The following TTC16 variants were observed in gnomAD, a reference collection of about 807,000 sequenced individuals.
The protein encoded by TTC16 is tetratricopeptide repeat protein 16.
A neutral mutation model predicts 80.4 loss-of-function variants in TTC16; 66 were observed. The ratio of observed to expected loss-of-function variants is 0.82; its 90% confidence interval spans 0.67 to 1.01. The LOEUF is 1.01. Ranked by LOEUF, TTC16 falls within the 50% of genes least tolerant of loss-of-function variation. The probability of loss-of-function intolerance (pLI) is 0.00; values close to 1 mark genes in which losing one functional copy is unlikely to be tolerated. For missense variants in TTC16, 1,070 were observed against 1,103.2 expected (o/e 0.97, Z 0.43); for synonymous variants, 438 against 451.3 (o/e 0.97, Z 0.37).
chr9:127,729,849 G>A, intron 13 of TTC16, 181 bp downstream of exon 13: 1 of 603,254 alleles, frequency 1.7e-6, no homozygotes, highest in South Asian at 1.9e-5. Context: ...AGGACGAGGT[G>A]AGGCTTGCTC....
At chr9:127,716,315 GA>G (rs1843005073) in intron 1 of TTC16, 152 bp downstream of exon 1, 1 of 1,177,946 alleles carries the variant, frequency 8.5e-7, no homozygotes, top group East Asian at 2.4e-5. Flanking sequence ...CCAGGCATGT[GA>G]AAGATCCTTG....
At chr9:127,726,174 G>A in intron 9 of TTC16, 65 bp from the exon 10 acceptor site, 2 of 1,449,232 alleles carry the variant, frequency 1.4e-6, no homozygotes, top group South Asian at 1.4e-5. Flanking sequence ...GTGGGGCCCA[G>A]TAGCCACCAT....
At position 127,724,291 on chromosome 9, in the gene TTC16, G is replaced by A; in HGVS notation, c.1044G>A (p.Gln348=). Residue 348 remains glutamine, a synonymous_variant, in exon 8 of 14, where the codon CAG becomes CAA. Coordinates refer to ENST00000373289, the MANE Select transcript of TTC16 (RefSeq NM_144965.3). ...ACTGCTACAGGCAGGGCGCCTACCAGGAGGGCGTGCTGCTGCTGAACAAGG... is the reference window on the plus strand; with the variant it reads ...ACTGCTACAGGCAGGGCGCCTACCAAGAGGGCGTGCTGCTGCTGAACAAGG... ...AVHCYRQGAY[Q]EGVLLLNKAL... 1.9e-6 allele frequency: 3 copies of A among 1,613,034 alleles called. No homozygotes were observed. The highest frequency in any genetic ancestry group is 2.5e-6 in the Non-Finnish European group (3 of 1,180,006).
At chr9:127,730,019 C>T in intron 13 of TTC16, 1 of 287,588 alleles carries the variant, frequency 3.5e-6, no homozygotes, top group Non-Finnish European at 6.7e-6. Context: ...GGCTGCTCCT[C>T]AGAGGCCCCA....
intron 1 of TTC16, chr9:127,716,477 A>G (rs1843020517): frequency 3.7e-6 from 2 of 547,148 alleles, no homozygotes; most frequent in Non-Finnish European, 6.6e-6. Context: ...TACCCAAGGG[A>G]CTGTAGGACC....
chr9:127,717,831 C>T (rs1843172926), intron 4 of TTC16, 59 bp downstream of exon 4: 1 of 1,554,774 alleles, frequency 6.4e-7, no homozygotes, highest in Non-Finnish European at 8.7e-7. Flanking sequence ...CAGGGGCTCT[C>T]CTGGCTCCTG....
intron 12 of TTC16, 167 bp from the exon 13 acceptor site, chr9:127,729,414 G>T (rs1844210866): frequency 3.4e-6 from 2 of 590,888 alleles, no homozygotes; most frequent in East Asian, 5.7e-5. Flanking sequence ...TCCCCTTCCT[G>T]CCAGGCTTAG....
At chr9:127,726,473 C>G in intron 10 of TTC16, 69 bp downstream of exon 10, 1 of 1,438,730 alleles carries the variant, frequency 7.0e-7, no homozygotes. Flanking sequence ...ACTCCTCGGC[C>G]CCCAAAGAAA....
At chr9:127,725,771 T>C (rs1843905971) in intron 9 of TTC16, among the ~76,000 whole-genome samples, 1 of 151,752 alleles carries the variant, frequency 6.6e-6, no homozygotes, top group Non-Finnish European at 1.5e-5. Context: ...AGCTAATTTT[T>C]GTATTTTTAG....
At chr9:127,717,821 C>T (rs1473338272) in intron 4 of TTC16, 49 bp downstream of exon 4, 2 of 1,576,888 alleles carry the variant, frequency 1.3e-6, no homozygotes, top group African/African-American at 2.7e-5. Context: ...TCACACTTCT[C>T]AGGGGCTCTC....
chr9:127,719,511 G>A (rs1333211583), intron 4 of TTC16, among the ~76,000 whole-genome samples: 1 of 152,168 alleles, frequency 6.6e-6, no homozygotes, highest in Non-Finnish European at 1.5e-5. Context: ...TTTTGTTTTT[G>A]AGATGGAGTC....
rs1476768551 is a variant in TTC16 at position 127,720,914 on chromosome 9, C to T, written c.657+519C>T. Among the ~76,000 whole-genome samples, 237 of 102,688 alleles carry T rather than the reference C, an allele frequency of 2.3e-3. 3 individuals carry two copies. Among genetic ancestry groups the T allele is most frequent in the African/African-American group, 9.5e-3 (227 of 23,996 alleles). 67.4% of individuals were successfully genotyped at this position (102,688 alleles called of 152,430 possible). ...CTCCCTCCTCCTTCCTCCCTCCTCC[C>T]TCCTCCCTTCCTCCCTTCCCCCTTC... On this transcript the variant is annotated intron_variant, in intron 6 of 13. Transcript: ENST00000373289.
intron 8 of TTC16, 119 bp from the exon 9 acceptor site, chr9:127,724,637 G>A: frequency 1.5e-6 from 2 of 1,371,220 alleles, no homozygotes; most frequent in Non-Finnish European, 1.9e-6. Flanking sequence ...GACGGAGACT[G>A]CGGCGGGGGG....
chr9:127,724,511 T>C, intron 8 of TTC16, 147 bp downstream of exon 8: 2 of 1,194,200 alleles, frequency 1.7e-6, no homozygotes, highest in Non-Finnish European at 1.2e-6. Context: ...ATAGTCTCAG[T>C]ATCCCAGGAA....
At chr9:127,716,431 C>T in intron 1 of TTC16, 1 of 588,962 alleles carries the variant, frequency 1.7e-6, no homozygotes, top group South Asian at 2.0e-5. Context: ...AGGTGAGGTG[C>T]TCAGTGTGGC....
intron 9 of TTC16, 54 bp downstream of exon 9, chr9:127,724,951 G>T: frequency 6.9e-7 from 1 of 1,441,012 alleles, no homozygotes; most frequent in Non-Finnish European, 9.1e-7. Flanking sequence ...GGCAGGGCGG[G>T]CAGGAGGCCA....
Position 127,722,015 on chromosome 9 carries a change from G to A in TTC16, c.658-1104G>A, listed in dbSNP as rs927923112. ...TGACTGTTGTGATTTTAGCCCCTCCGATACGTAGGCGTGTTCTCAGCACTT... is the reference window on the plus strand; with the variant it reads ...TGACTGTTGTGATTTTAGCCCCTCCAATACGTAGGCGTGTTCTCAGCACTT... On this transcript the variant is annotated intron_variant, in intron 6 of 13. Coordinates refer to ENST00000373289, the MANE Select transcript of TTC16 (RefSeq NM_144965.3). The surrounding 1 kb of genome is among the most constrained non-coding windows in gnomAD (Gnocchi z 4.2). 9.9e-5 allele frequency among the ~76,000 whole-genome samples: 15 copies of A among 152,140 alleles called. No individual in the cohort carries two copies. Among genetic ancestry groups the A allele is most frequent in the Non-Finnish European group, 1.9e-4 (13 of 68,022 alleles).
chr9:127,728,827 C>A (rs1844174341), intron 12 of TTC16: 1 of 152,322 alleles, frequency 6.6e-6, no homozygotes, highest in African/African-American at 2.4e-5. Flanking sequence ...AAAGAAAGTG[C>A]TAGCTCTTCA....
intron 6 of TTC16, among the ~76,000 whole-genome samples, chr9:127,721,769 T>A (rs1458122509): frequency 6.6e-6 from 1 of 152,210 alleles, no homozygotes; most frequent in East Asian, 1.9e-4. Flanking sequence ...AGTGGCGAGA[T>A]CTCGGCTCAC....
Sources: gnomAD v4.1 joint callset for allele counts (sites outside exome capture counted in the v4.1 genomes callset) on GRCh38, gnomAD v4.1.1 for gene constraint, Gnocchi (gnomAD v3.1) non-coding constraint, MANE v1.5 for transcripts, NCBI Gene and HGNC (gene_info 2026-07-23, HGNC 2026-07-21) for gene names.